The following CACHD1 variants were observed in gnomAD, a reference collection of about 807,000 sequenced individuals.
CACHD1 encodes the protein VWFA and cache domain-containing protein 1.
A neutral mutation model predicts 138.7 loss-of-function variants in CACHD1; 71 were observed. That is an observed-to-expected ratio of 0.51 (90% CI 0.42 to 0.62). The LOEUF is 0.62. Ranked by LOEUF, CACHD1 falls within the 20% of genes least tolerant of loss-of-function variation. The pLI is 0.00. For synonymous variants in CACHD1, 578 were observed against 591.5 expected (o/e 0.98, Z 0.33); for missense variants, 1,389 against 1,625.3 (o/e 0.85, Z 2.50).
intron 4 of CACHD1, among the ~76,000 whole-genome samples, chr1:64,606,823 G>A (rs1647356487): frequency 2.0e-5 from 3 of 152,162 alleles, no homozygotes; most frequent in Non-Finnish European, 2.9e-5. Flanking sequence ...GGTGGGCAGG[G>A]TAGGGGACCA....
intron 1 of CACHD1, among the ~76,000 whole-genome samples, chr1:64,486,484 A>G (rs1013027439): frequency 6.6e-6 from 1 of 151,908 alleles, no homozygotes; most frequent in Non-Finnish European, 1.5e-5. Context: ...CTACAAATTG[A>G]TTTTCTTTCG....
chr1:64,645,434 C>G (rs981796630), intron 8 of CACHD1, among the ~76,000 whole-genome samples: 1 of 151,864 alleles, frequency 6.6e-6, no homozygotes, highest in Non-Finnish European at 1.5e-5. Context: ...ATCAAAACAT[C>G]GCATGTACAC....
chr1:64,675,572 A>T lies in CACHD1; in HGVS notation c.2888+11A>T, dbSNP rs775380046. The T allele has an allele frequency of 4.4e-6, 7 of 1,604,664 alleles. No homozygotes were observed. Among genetic ancestry groups the T allele is most frequent in the Non-Finnish European group, 6.0e-6 (7 of 1,171,972 alleles). On this transcript the variant is annotated intron_variant, in intron 20 of 26. Transcript: ENST00000651257. ...TCTCAACTGTCACCGGTAAAAATGC[A>T]ATGGGTCATATTCTGTGTTCACCAC...
chr1:64,668,300 C>G (rs1292232192), intron 16 of CACHD1, among the ~76,000 whole-genome samples: 1 of 148,710 alleles, frequency 6.7e-6, no homozygotes, highest in Non-Finnish European at 1.5e-5. Flanking sequence ...GCACTCCAGC[C>G]TGGGCGACAG....
chr1:64,683,137 C>T (rs779721820), intron 26 of CACHD1, among the ~76,000 whole-genome samples: 10 of 152,164 alleles, frequency 6.6e-5, no homozygotes, highest in Non-Finnish European at 1.5e-4. Flanking sequence ...ACAGCCAGGT[C>T]TTCAAACTCC....
intron 12 of CACHD1, among the ~76,000 whole-genome samples, chr1:64,657,885 C>T (rs957056432): frequency 3.9e-5 from 6 of 152,144 alleles, no homozygotes; most frequent in Admixed American, 6.5e-5. Flanking sequence ...GGATAATAAT[C>T]GAGAAATTTC....
At chr1:64,539,148 T>C (rs773879382) in intron 1 of CACHD1, among the ~76,000 whole-genome samples, 3 of 152,172 alleles carry the variant, frequency 2.0e-5, no homozygotes, top group Admixed American at 6.5e-5. Context: ...GGGATGCTAA[T>C]GGATTTCTAA....
intron 5 of CACHD1, among the ~76,000 whole-genome samples, chr1:64,631,705 A>G (rs567303351): frequency 6.6e-6 from 1 of 152,294 alleles, no homozygotes; most frequent in East Asian, 1.9e-4. Flanking sequence ...ACCTTCCTGC[A>G]CTGCACATTA....
At chr1:64,663,660 C>T (rs1345702105) in intron 13 of CACHD1, 35 bp from the exon 14 acceptor site, 4 of 1,613,378 alleles carry the variant, frequency 2.5e-6, no homozygotes, top group South Asian at 2.2e-5. Flanking sequence ...AGAGTCTCCG[C>T]ATTCTCAGGC....
At chr1:64,588,060 C>G (rs1647064834) in intron 3 of CACHD1, among the ~76,000 whole-genome samples, 2 of 152,130 alleles carry the variant, frequency 1.3e-5, no homozygotes, top group Admixed American at 1.3e-4. Context: ...CCTTTCAGGA[C>G]AGGGGATGAG....
chr1:64,643,680 CAA>C lies in CACHD1; in HGVS notation c.1156+1718_1156+1719del, dbSNP rs529744576. Among the ~76,000 whole-genome samples, 24 of 151,850 alleles carry C rather than the reference CAA, an allele frequency of 1.6e-4. No individual in the cohort carries two copies. The East Asian group carries it at 1.9e-3, about 12-fold the overall frequency. On this transcript the variant is annotated intron_variant, in intron 8 of 26. Coordinates refer to ENST00000651257, the MANE Select transcript of CACHD1 (RefSeq NM_020925.4). ...TGAAACCCCATCTCTGCTAAAAATA[CAA>C]AAAAAATTAGCCAGGCGTGGTGGCG...
intron 1 of CACHD1, among the ~76,000 whole-genome samples, chr1:64,534,448 G>C (rs934874677): frequency 6.6e-6 from 1 of 152,150 alleles, no homozygotes; most frequent in Admixed American, 6.5e-5. Context: ...AATATGAAGG[G>C]CAGGTAAACA....
chr1:64,665,697 T>C (rs1335571119), intron 15 of CACHD1, among the ~76,000 whole-genome samples: 2 of 152,170 alleles, frequency 1.3e-5, no homozygotes, highest in African/African-American at 4.8e-5. Context: ...CTTTGAAATT[T>C]ACAGAGTAGA....
chr1:64,679,496 A>T (rs1214449968), intron 23 of CACHD1, 99 bp from the exon 24 acceptor site: 12 of 1,339,540 alleles, frequency 9.0e-6, no homozygotes, highest in Non-Finnish European at 1.3e-5. Context: ...TCTTCCGCCA[A>T]CCCCCTTCCC....
chr1:64,581,603 A>C (rs1204514535), intron 2 of CACHD1, among the ~76,000 whole-genome samples: 1 of 152,210 alleles, frequency 6.6e-6, no homozygotes, highest in Admixed American at 6.5e-5. Context: ...CTAAGTGTGC[A>C]TTTCATTTAT....
chr1:64,480,086 G>C lies in CACHD1; in HGVS notation c.198+9144G>C, dbSNP rs539900780. 1.2e-3 allele frequency among the ~76,000 whole-genome samples: 186 copies of C among 152,304 alleles called. 1 individual carries two copies. Among genetic ancestry groups the C allele is most frequent in the African/African-American group, 4.4e-3 (183 of 41,562 alleles). On this transcript the variant is annotated intron_variant, in intron 1 of 26. Transcript: ENST00000651257. ...CAAAGACAGGCTGGCTGCCCAGTGT[G>C]GTCCCTCCTGTGGAGTTGTGCAAAT...
intron 6 of CACHD1, 103 bp from the exon 7 acceptor site, chr1:64,633,941 G>A (rs1349553135): frequency 5.2e-6 from 4 of 775,824 alleles, no homozygotes; most frequent in Middle Eastern, 3.5e-4. Flanking sequence ...AATCTGTTCT[G>A]TAGGCCTTCT....
chr1:64,654,600 T>C, intron 11 of CACHD1, 86 bp from the exon 12 acceptor site: 3 of 920,368 alleles, frequency 3.3e-6, no homozygotes, highest in Non-Finnish European at 5.2e-6. Context: ...GAGGTGGCCA[T>C]TGACTCAACA....
intron 12 of CACHD1, among the ~76,000 whole-genome samples, chr1:64,656,979 T>C (rs1437028904): frequency 6.6e-6 from 1 of 152,160 alleles, no homozygotes; most frequent in Non-Finnish European, 1.5e-5. Context: ...TTAGCACTCA[T>C]AGATATAGCA....
Sources: allele counts gnomAD v4.1 joint callset (sites outside exome capture counted in the v4.1 genomes callset), GRCh38; gene constraint gnomAD v4.1.1; transcripts MANE v1.5; gene names NCBI Gene and HGNC (gene_info 2026-07-23, HGNC 2026-07-21).